The following ZNF804B variants were observed in gnomAD, a reference collection of about 807,000 sequenced individuals.
ZNF804B encodes the protein zinc finger 804B.
A neutral mutation model predicts 101.4 loss-of-function variants in ZNF804B; 80 were observed. The ratio of observed to expected loss-of-function variants is 0.79; its 90% CI spans 0.66 to 0.95. The LOEUF (loss-of-function observed/expected upper bound fraction) is 0.95, where lower values mean the gene tolerates loss of function less well. Among genes scored for constraint, ZNF804B ranks in the 40% least tolerant of loss-of-function variants. The pLI is 0.00. For synonymous variants in ZNF804B, 622 were observed against 558.8 expected, an observed-to-expected ratio of 1.11 and a Z score of -1.59; for missense variants, 1,673 against 1,561.9, an observed-to-expected ratio of 1.07 and a Z score of -1.20.
intron 1 of ZNF804B, among the ~76,000 whole-genome samples, chr7:88,865,322 A>C (rs1229654925): frequency 6.6e-6 from 1 of 151,918 alleles, no homozygotes; most frequent in Non-Finnish European, 1.5e-5. Context: ...ACTTGGGCCT[A>C]GGAGTTCTAG....
At chr7:89,015,583 A>AAG (rs1788538562) in intron 1 of ZNF804B, among the ~76,000 whole-genome samples, 1 of 150,940 alleles carries the variant, frequency 6.6e-6, no homozygotes, top group Admixed American at 6.6e-5. Flanking sequence ...GAGAACATGC[A>AAG]GTGTTTGGTT....
chr7:88,913,643 G>C (rs1353309933), intron 1 of ZNF804B, among the ~76,000 whole-genome samples: 1 of 152,074 alleles, frequency 6.6e-6, no homozygotes, highest in East Asian at 1.9e-4. Flanking sequence ...TGATCCACCC[G>C]CCTCGGCCTC....
At chr7:89,068,547 A>G (rs1027406269) in intron 1 of ZNF804B, among the ~76,000 whole-genome samples, 1 of 152,188 alleles carries the variant, frequency 6.6e-6, no homozygotes, top group African/African-American at 2.4e-5. Context: ...ACATTTTTCA[A>G]ACTGCTCTTT....
chr7:89,198,940 G>C (rs79316739), intron 1 of ZNF804B, among the ~76,000 whole-genome samples: 2 of 151,802 alleles, frequency 1.3e-5, no homozygotes, highest in Admixed American at 6.6e-5. Flanking sequence ...GTAACTTATC[G>C]GGAATATGGA....
rs1202040465 is a variant in ZNF804B, at chr7:89,335,212, A to G, written c.2230A>G (p.Lys744Glu). ...CAGAGGTAATTTGCTCTGCTTCCAT[A>G]AAAGAGAACACCACTCAGTTGAAAG... is the stretch of plus-strand genomic sequence containing the variant. ...NSRGNLLCFH[K>E]REHHSVERHK... Residue 744 changes from lysine (K) to glutamate (E), a missense_variant, in exon 4 of 4, where the codon AAA (lysine) becomes GAA (glutamate). Transcript: ENST00000333190. 2.5e-6 allele frequency: 4 copies of G among 1,613,884 alleles called. No homozygotes were observed.
At chr7:89,069,308 A>G (rs1376446985) in intron 1 of ZNF804B, among the ~76,000 whole-genome samples, 1 of 152,202 alleles carries the variant, frequency 6.6e-6, no homozygotes, top group African/African-American at 2.4e-5. Flanking sequence ...CCGTCCCCAC[A>G]GAAGGAAAAC....
At chr7:89,321,360 T>A (rs1790817214) in intron 2 of ZNF804B, among the ~76,000 whole-genome samples, 1 of 151,946 alleles carries the variant, frequency 6.6e-6, no homozygotes, top group Admixed American at 6.6e-5. Flanking sequence ...GTGCCTGTAG[T>A]CCCAGCTACT....
intron 1 of ZNF804B, among the ~76,000 whole-genome samples, chr7:88,833,464 T>C (rs1217097236): frequency 1.3e-5 from 2 of 151,896 alleles, no homozygotes; most frequent in Non-Finnish European, 2.9e-5. Context: ...TCTGACATGT[T>C]GCTAGGGAGT....
intron 1 of ZNF804B, among the ~76,000 whole-genome samples, chr7:89,104,328 C>T (rs1790103098): frequency 2.0e-5 from 3 of 152,044 alleles, no homozygotes; most frequent in South Asian, 2.1e-4. Flanking sequence ...CTTCTTCATA[C>T]ACCTGGTAAA....
At chr7:89,272,400 T>C (rs1332376839) in intron 2 of ZNF804B, among the ~76,000 whole-genome samples, 1 of 152,136 alleles carries the variant, frequency 6.6e-6, no homozygotes, top group Non-Finnish European at 1.5e-5. Context: ...TTTGTTAAAA[T>C]TGATTAATTA....
chr7:88,871,972 A>G (rs1417289339), intron 1 of ZNF804B, among the ~76,000 whole-genome samples: 1 of 152,162 alleles, frequency 6.6e-6, no homozygotes, highest in Non-Finnish European at 1.5e-5. Context: ...CTGTCTCAAA[A>G]AAAAAGTGAA....
At chr7:88,881,254 A>G (rs1032571205) in intron 1 of ZNF804B, among the ~76,000 whole-genome samples, 2 of 152,116 alleles carry the variant, frequency 1.3e-5, no homozygotes, top group African/African-American at 4.8e-5. Context: ...TCCAAATAAT[A>G]TTTTTTGGAC....
At chr7:88,874,336 G>A (rs1374839191) in intron 1 of ZNF804B, among the ~76,000 whole-genome samples, 1 of 151,774 alleles carries the variant, frequency 6.6e-6, no homozygotes, top group Non-Finnish European at 1.5e-5. Context: ...CTGAGACTTT[G>A]CTGAAGTTGC....
chr7:89,280,582 G>A (rs1342896087), intron 2 of ZNF804B, among the ~76,000 whole-genome samples: 7 of 152,092 alleles, frequency 4.6e-5, no homozygotes, highest in South Asian at 2.1e-4. Context: ...TATCACCACC[G>A]ATCCCACAGA....
chr7:88,888,059 A>G (rs1792159493), intron 1 of ZNF804B, among the ~76,000 whole-genome samples: 1 of 152,136 alleles, frequency 6.6e-6, no homozygotes, highest in Non-Finnish European at 1.5e-5. Context: ...ATATGTTCCT[A>G]TAGATGGACA....
intron 2 of ZNF804B, among the ~76,000 whole-genome samples, chr7:89,250,805 G>T (rs995914616): frequency 5.9e-5 from 9 of 152,118 alleles, no homozygotes; most frequent in Non-Finnish European, 1.0e-4. Context: ...ATCAATAAAT[G>T]TGATTCACCA....
At chr7:88,861,242 C>T (rs1791639438) in intron 1 of ZNF804B, among the ~76,000 whole-genome samples, 1 of 152,096 alleles carries the variant, frequency 6.6e-6, no homozygotes, top group Admixed American at 6.6e-5. Context: ...TAATGGCTAC[C>T]ATTTTAAGCA....
At chr7:89,172,864 A>G (rs968012451) in intron 1 of ZNF804B, among the ~76,000 whole-genome samples, 1 of 152,176 alleles carries the variant, frequency 6.6e-6, no homozygotes, top group African/African-American at 2.4e-5. Flanking sequence ...AGTAGTGTAT[A>G]TTTCATTCTC....
At chr7:89,125,806 T>C (rs1790467970) in intron 1 of ZNF804B, among the ~76,000 whole-genome samples, 1 of 152,050 alleles carries the variant, frequency 6.6e-6, no homozygotes, top group African/African-American at 2.4e-5. Context: ...ATGTTGAAAC[T>C]CCAATAATCT....
Sources: gnomAD v4.1 joint callset for allele counts (sites outside exome capture counted in the v4.1 genomes callset) on GRCh38, gnomAD v4.1.1 for gene constraint, MANE v1.5 for transcripts, NCBI Gene and HGNC (gene_info 2026-07-23, HGNC 2026-07-21) for gene names.